The following METTL23 variants were observed in gnomAD, a reference collection of about 807,000 sequenced individuals.
METTL23 encodes the protein methyltransferase 23, arginine.
In METTL23, 24 loss-of-function variants were observed where a neutral mutation model predicts 21.2. The ratio of observed to expected loss-of-function variants is 1.13; its 90% CI spans 0.82 to 1.59. METTL23 has a LOEUF of 1.59. Ranked by LOEUF, METTL23 falls within the 40% of genes most tolerant of loss-of-function variation. The pLI is 0.00. For missense variants in METTL23, 276 were observed against 221.4 expected, an observed-to-expected ratio of 1.25 and a Z score of -1.57; for synonymous variants, 97 against 75.2, an observed-to-expected ratio of 1.29 and a Z score of -1.50.
At chr17:76,732,153 T>C in intron 2 of METTL23, among the ~76,000 whole-genome samples, 1 of 142,166 alleles carries the variant, frequency 7.0e-6, no homozygotes, top group African/African-American at 2.9e-5. Context: ...AGGTCAGGAG[T>C]TCAAGACCAG....
chr17:76,731,689 T>C (rs1029179911), intron 2 of METTL23, among the ~76,000 whole-genome samples: 9 of 152,204 alleles, frequency 5.9e-5, no homozygotes, highest in African/African-American at 1.2e-4. Flanking sequence ...TTTGCAGAAA[T>C]AGACTTTCAC....
At position 76,727,151 on chromosome 17, in the gene METTL23, G is replaced by A. The variant is rs754493149; in HGVS notation, c.-49G>A. 2.2e-6 allele frequency: 1 copy of A among 447,532 alleles called. No individual in the cohort carries two copies. The allele number at this position is 447,532 out of a possible 1,614,324, so 27.7% of individuals were successfully genotyped here. On this transcript the variant is annotated 5_prime_UTR_variant, in exon 1 of 5. Transcript: ENST00000341249. Reference sequence around the variant, plus strand: ...AGGAGCCGGGTCCGGGGGCCGACGGGGCTGTCCTGGAGGTCCACGTCCCGC... The same window carrying A: ...AGGAGCCGGGTCCGGGGGCCGACGGAGCTGTCCTGGAGGTCCACGTCCCGC...
chr17:76,733,481 A>AT, intron 4 of METTL23, 40 bp from the exon 5 acceptor site: 1 of 1,600,618 alleles, frequency 6.2e-7, no homozygotes, highest in Non-Finnish European at 8.5e-7. Flanking sequence ...AGCAAAACAG[A>AT]AAAGGCATGA....
intron 1 of METTL23, 170 bp downstream of exon 1, chr17:76,727,348 A>G (rs1237137408): frequency 6.1e-6 from 2 of 329,950 alleles, no homozygotes; most frequent in Admixed American, 7.9e-5. Context: ...GGTGCATTAA[A>G]TGTCTCTCAG....
chr17:76,733,239 A>C, intron 3 of METTL23, 24 bp downstream of exon 3: 1 of 1,611,512 alleles, frequency 6.2e-7, no homozygotes, highest in South Asian at 1.1e-5. Context: ...GCTCAATAGT[A>C]CATTTGGCCA....
chr17:76,730,313 AAAG>A, intron 2 of METTL23, among the ~76,000 whole-genome samples: 1 of 151,816 alleles, frequency 6.6e-6, no homozygotes. Context: ...GTGGTTTTTT[AAAG>A]AAGATACTGG....
At chr17:76,726,305 G>GC (rs2076931855), upstream of METTL23, 2 of 1,527,688 alleles carry the variant, frequency 1.3e-6, no homozygotes, top group Admixed American at 2.1e-5. Context: ...GCGGCTGGAG[G>GC]TGCCGATGCC....
intron 1 of METTL23, among the ~76,000 whole-genome samples, chr17:76,728,100 G>T (rs956279805): frequency 3.0e-4 from 46 of 152,116 alleles, no homozygotes; most frequent in African/African-American, 1.1e-3. Context: ...ATTAGGCATC[G>T]TGGCTTGTGC....
In METTL23 at chr17:76,733,832, C is replaced by T. The variant is rs749654548; in HGVS notation, c.*146C>T. On this transcript the variant is annotated 3_prime_UTR_variant, in exon 5 of 5. Transcript: ENST00000341249. Reference sequence around the variant, plus strand: ...GCCTTAGATTTTGATGTCACCTAGACAACACTTAAACTCATATGAAACAAA... The same window carrying T: ...GCCTTAGATTTTGATGTCACCTAGATAACACTTAAACTCATATGAAACAAA... 1.5e-5 allele frequency: 9 copies of T among 615,202 alleles called. No homozygotes were observed. Among genetic ancestry groups the T allele is most frequent in the Admixed American group, 7.0e-5 (2 of 28,560 alleles). 38.1% of individuals were successfully genotyped at this position (615,202 alleles called of 1,614,324 possible).
intron 2 of METTL23, among the ~76,000 whole-genome samples, chr17:76,731,038 C>T (rs1598405921): frequency 1.3e-5 from 2 of 151,692 alleles, no homozygotes; most frequent in Admixed American, 1.3e-4. Context: ...ACCCGGGAGG[C>T]GGAGCTTGCA....
chr17:76,727,787 G>A (rs2077011127), intron 1 of METTL23, among the ~76,000 whole-genome samples: 1 of 152,210 alleles, frequency 6.6e-6, no homozygotes, highest in Admixed American at 6.5e-5. Flanking sequence ...CTGGAGCGCA[G>A]TGGCGCGATC....
In METTL23 at chr17:76,732,302, C is replaced by G. The variant is rs140164768; in HGVS notation, c.85-676C>G. Among the ~76,000 whole-genome samples, 1,247 of 152,228 alleles carry G rather than the reference C, an allele frequency of 8.2e-3. 25 individuals are homozygous for G. Among genetic ancestry groups the G allele is most frequent in the African/African-American group, 0.023 (940 of 41,514 alleles). ...TGGATCACCTGTCGGGAGTTCAAGACCAGCCTGACCAACAGGGAGAAACCC... is the reference window on the plus strand; with the variant it reads ...TGGATCACCTGTCGGGAGTTCAAGAGCAGCCTGACCAACAGGGAGAAACCC... On this transcript the variant is annotated intron_variant, in intron 2 of 4. Transcript: ENST00000341249.
chr17:76,731,943 T>C (rs1488747413), intron 2 of METTL23, among the ~76,000 whole-genome samples: 1 of 152,244 alleles, frequency 6.6e-6, no homozygotes. Context: ...TATTTCTTAG[T>C]GTCTGCAAAG....
Position 76,733,341 on chromosome 17 carries a change from C to T in METTL23, c.371C>T (p.Pro124Leu). ...ATATATTTTTTGATGCACAAGAATC[C>T]CAAGGTCCAATTGTGGTCTACTTAT... ...ATIYFLMHKN[P>L]KVQLWSTYQV... The change falls in exon 4 of 5, where the codon CCC becomes CTC. Residue 124 changes from proline to leucine, a missense_variant. Pro to Leu is a moderately conservative substitution (Grantham distance 98, BLOSUM62 -3). Transcript: ENST00000341249. 1.9e-6 allele frequency: 3 copies of T among 1,613,794 alleles called. No individual in the cohort carries two copies. The highest frequency in any genetic ancestry group is 2.5e-6 in the Non-Finnish European group (3 of 1,179,858).
At chr17:76,729,869 G>C (rs1363824260) in intron 2 of METTL23, 75 bp downstream of exon 2, 3 of 1,049,644 alleles carry the variant, frequency 2.9e-6, no homozygotes, top group Middle Eastern at 2.0e-4. Context: ...TATATTGCTT[G>C]TTTTTAGCTT....
At chr17:76,726,407 C>A (rs1263192592), upstream of METTL23, 6 of 1,605,672 alleles carry the variant, frequency 3.7e-6, no homozygotes, top group African/African-American at 5.4e-5. Flanking sequence ...TCCAATCCAG[C>A]GAGTCCTTGA....
At position 76,733,585 on chromosome 17, in the gene METTL23, G is replaced by T; in HGVS notation, c.472G>T (p.Glu158Ter). 6.2e-7 allele frequency: 1 copy of T among 1,613,674 alleles called. No individual in the cohort carries two copies. Among genetic ancestry groups the T allele is most frequent in the Non-Finnish European group, 8.5e-7 (1 of 1,179,812 alleles). The stretch of plus-strand genomic sequence containing the variant: ...TATGAAATGTGTCCACATTCCTCTT[G>T]AGTCTTTTGATGCAGACAAAGAAGA... The part of the protein sequence containing the change: ...WDMKCVHIPL[E>*]SFDADKEDIA... Residue 158 changes from glutamate to a stop codon, truncating the protein, a stop_gained, in exon 5 of 5, where the codon GAG becomes TAG. Transcript: ENST00000341249. LOFTEE classifies it high-confidence loss of function.
Position 76,733,868 on chromosome 17 carries a change from C to A in METTL23, c.*182C>A. On this transcript the variant is annotated 3_prime_UTR_variant, in exon 5 of 5. Coordinates refer to ENST00000341249, the MANE Select transcript of METTL23 (RefSeq NM_001080510.5). ...CTCATATGAAACAAAAATTAAAATA[C>A]GTATTACAAGTACTTGGATTGTTCC... The A allele has an allele frequency of 2.1e-6, 1 of 476,550 alleles. No individual in the cohort carries two copies. Among genetic ancestry groups the A allele is most frequent in the Non-Finnish European group, 3.7e-6 (1 of 273,934 alleles). 29.5% of individuals were successfully genotyped at this position (476,550 alleles called of 1,614,324 possible).
chr17:76,726,408 G>A, upstream of METTL23: 2 of 1,605,396 alleles, frequency 1.2e-6, no homozygotes, highest in Non-Finnish European at 1.7e-6. Flanking sequence ...CCAATCCAGC[G>A]AGTCCTTGAG....
Sources: gnomAD v4.1 joint callset for allele counts (sites outside exome capture counted in the v4.1 genomes callset) on GRCh38, gnomAD v4.1.1 for gene constraint, MANE v1.5 for transcripts, NCBI Gene and HGNC (gene_info 2026-07-23, HGNC 2026-07-21) for gene names.